TEX11: variants seen among roughly 807,000 people sequenced by gnomAD.
TEX11 encodes testis expressed 11.
A neutral mutation model predicts 84.4 loss-of-function variants in TEX11; 7 were observed. The observed-to-expected ratio is 0.08, with a 90% CI of 0.05 to 0.16. TEX11 has a LOEUF of 0.16. TEX11 is among the 10% of genes least tolerant of loss of function. The probability of loss-of-function intolerance (pLI) is 1.00; values close to 1 mark genes in which losing one functional copy is unlikely to be tolerated. For missense variants in TEX11, 551 were observed against 660.5 expected (o/e 0.83, Z 1.82); for synonymous variants, 264 against 222.8 (o/e 1.18, Z -1.64).
chrX:70,619,902 G>A (rs1254430233), intron 20 of TEX11, among the ~76,000 whole-genome samples: 1 of 107,865 alleles, frequency 9.3e-6, no homozygotes, highest in East Asian at 2.9e-4. Flanking sequence ...TCTGCCTCCC[G>A]GGTTCATGCC....
intron 13 of TEX11, among the ~76,000 whole-genome samples, chrX:70,698,715 T>A (rs1260268671): frequency 1.4e-5 from 1 of 70,526 alleles, no homozygotes; most frequent in Non-Finnish European, 3.7e-5. Flanking sequence ...ATTTAAGGGA[T>A]CAGTTATGGG....
intron 13 of TEX11, among the ~76,000 whole-genome samples, chrX:70,718,259 C>A (rs1433595033): frequency 8.9e-6 from 1 of 112,076 alleles, no homozygotes; most frequent in Non-Finnish European, 1.9e-5. Flanking sequence ...TTGAAAAAGA[C>A]AAAATAGGCA....
intron 4 of TEX11, among the ~76,000 whole-genome samples, chrX:70,865,551 A>G (rs1387579177): frequency 8.9e-6 from 1 of 111,866 alleles, no homozygotes; most frequent in Non-Finnish European, 1.9e-5. Context: ...GACCTAATAG[A>G]CATCTACAGA....
At chrX:70,550,829 G>C (rs970082616) in intron 28 of TEX11, among the ~76,000 whole-genome samples, 5 of 111,580 alleles carry the variant, frequency 4.5e-5, no homozygotes, top group Admixed American at 1.9e-4. Context: ...AACCACTATG[G>C]AGAACAGTTC....
intron 24 of TEX11, among the ~76,000 whole-genome samples, chrX:70,596,205 C>T (rs769292102): frequency 2.7e-5 from 3 of 111,251 alleles, no homozygotes; most frequent in Non-Finnish European, 3.8e-5. Context: ...ACTTCAATAG[C>T]CCACTTTAAG....
intron 11 of TEX11, 27 bp from the exon 12 acceptor site, chrX:70,725,370 A>G (rs6653304): frequency 0.057 from 60,352 of 1,056,209 alleles, 1,452 homozygotes; most frequent in African/African-American, 0.13. Context: ...AATCACAATG[A>G]TATTAAAATT....
At chrX:70,838,029 C>G (rs1192775091) in intron 7 of TEX11, among the ~76,000 whole-genome samples, 3 of 112,290 alleles carry the variant, frequency 2.7e-5, no homozygotes, top group Admixed American at 9.5e-5. Flanking sequence ...TTGCTACTGG[C>G]AAAAAGCTGG....
chrX:70,517,661 C>G, the TEX11 span, among the ~76,000 whole-genome samples: 1 of 111,634 alleles, frequency 9.0e-6, no homozygotes, highest in Non-Finnish European at 1.9e-5. Context: ...AGGATTCCTT[C>G]TTTTTCTATT....
chrX:70,864,727 G>C (rs10429805), intron 4 of TEX11, among the ~76,000 whole-genome samples: 3,000 of 95,557 alleles, frequency 0.031, 152 homozygotes, highest in African/African-American at 0.11. Context: ...GGGTGACAGA[G>C]CGAGATGCCA....
At chrX:70,597,631 C>T (rs748187154) in intron 24 of TEX11, among the ~76,000 whole-genome samples, 6 of 111,405 alleles carry the variant, frequency 5.4e-5, no homozygotes, top group Admixed American at 9.5e-5. Flanking sequence ...AAATGGATCA[C>T]AGATCTACAT....
intron 12 of TEX11, among the ~76,000 whole-genome samples, chrX:70,723,225 G>A (rs2090573969): frequency 9.0e-6 from 1 of 111,361 alleles, no homozygotes; most frequent in Non-Finnish European, 1.9e-5. Flanking sequence ...TTGTGCTTCT[G>A]AAAAGTCACC....
At chrX:70,869,036 G>GTAAAATAAAATAAAATAAAA (rs67299887) in intron 4 of TEX11, among the ~76,000 whole-genome samples, 26 of 53,761 alleles carry the variant, frequency 4.8e-4, no homozygotes, top group African/African-American at 8.1e-4. Context: ...AGAACTTAAA[G>GTAAAATAAAATAAAATAAAA]TAAAATAAAA....
chrX:70,804,012 C>A (rs1055242439), intron 9 of TEX11, among the ~76,000 whole-genome samples: 1 of 110,037 alleles, frequency 9.1e-6, no homozygotes, highest in Admixed American at 9.7e-5. Flanking sequence ...TTTAATTGTT[C>A]CAAAGATTTA....
chrX:70,744,234 GA>G lies in TEX11; in HGVS notation c.693-16del, dbSNP rs5902674. 1,336 of 661,156 alleles carry G rather than the reference GA, an allele frequency of 2.0e-3. 24 individuals are homozygous for G. Among genetic ancestry groups the G allele is most frequent in the East Asian group, 0.011 (175 of 16,054 alleles). The allele number at this position is 661,156 out of a possible 1,213,427, so 54.5% of individuals were successfully genotyped here. A position where few individuals can be genotyped will look rare whatever the true frequency, so the allele number is the denominator to read the frequency against. The stretch of plus-strand genomic sequence containing the variant: ...CATAGCTTTGGCTATCATTAAAAAG[GA>G]AAAAAAATATATATATATATATAAA... On this transcript the variant is annotated splice_polypyrimidine_tract_variant and intron_variant, in intron 9 of 29. Transcript: ENST00000374333.
chrX:70,863,382 G>T (rs1176119167), intron 4 of TEX11, among the ~76,000 whole-genome samples: 1 of 112,122 alleles, frequency 8.9e-6, no homozygotes, highest in Non-Finnish European at 1.9e-5. Context: ...GAAGGAGCAG[G>T]CAGCAATCTT....
At chrX:70,628,180 A>T (rs1187957776) in intron 18 of TEX11, among the ~76,000 whole-genome samples, 2 of 107,544 alleles carry the variant, frequency 1.9e-5, no homozygotes, top group African/African-American at 6.8e-5. Context: ...CAGTGAGCTG[A>T]GATTACGCCA....
At chrX:70,623,581 T>C (rs2089418918) in intron 20 of TEX11, among the ~76,000 whole-genome samples, 1 of 112,057 alleles carries the variant, frequency 8.9e-6, no homozygotes, top group Non-Finnish European at 1.9e-5. Context: ...TGAGGGCTTA[T>C]TAAGTTCCTG....
At chrX:70,565,152 C>A (rs2088444357) in intron 25 of TEX11, among the ~76,000 whole-genome samples, 1 of 110,622 alleles carries the variant, frequency 9.0e-6, no homozygotes, top group African/African-American at 3.3e-5. Context: ...TCTCTGATGG[C>A]CAGTGATGGT....
intron 8 of TEX11, among the ~76,000 whole-genome samples, chrX:70,829,758 T>C (rs1279695941): frequency 9.1e-6 from 1 of 109,564 alleles, no homozygotes; most frequent in Non-Finnish European, 1.9e-5. Context: ...TCTTTGTTAA[T>C]ACAATCAGTG....
Sources: gnomAD v4.1 joint callset for allele counts (sites outside exome capture counted in the v4.1 genomes callset) on GRCh38, gnomAD v4.1.1 for gene constraint, MANE v1.5 for transcripts, NCBI Gene and HGNC (gene_info 2026-07-23, HGNC 2026-07-21) for gene names.